Variants in CDKL5 observed in about 807,000 individuals in gnomAD.
CDKL5 encodes the protein cyclin-dependent kinase-like 5.
A neutral mutation model predicts 61.7 loss-of-function variants in CDKL5; 8 were observed. That is an observed-to-expected ratio of 0.13 (90% CI 0.08 to 0.23). CDKL5 has a LOEUF of 0.23. Ranked by LOEUF, CDKL5 falls within the 10% of genes least tolerant of loss-of-function variation. The pLI, the probability that CDKL5 is intolerant of heterozygous loss-of-function variation, is 1.00. For synonymous variants in CDKL5, 275 were observed against 272.3 expected (o/e 1.01, Z -0.10); for missense variants, 440 against 734.5 (o/e 0.60, Z 4.63).
At position 18,555,759 on chromosome X, in the gene CDKL5, C is replaced by T. The variant is rs1030464853; in HGVS notation, c.100-8718C>T. On this transcript the variant is annotated intron_variant, in intron 3 of 17. Transcript: ENST00000623535. ...GACTTCTATGTATATAAGACAGCTT[C>T]ATTTACTCACTCATGTCAAACACAG... 2.7e-5 allele frequency among the ~76,000 whole-genome samples: 3 copies of T among 112,122 alleles called. No homozygotes were observed. In the Admixed American group the frequency reaches 2.8e-4, roughly 11 times the overall value.
At chrX:18,432,679 C>T (rs1185686794) in intron 1 of CDKL5, among the ~76,000 whole-genome samples, 1 of 104,401 alleles carries the variant, frequency 9.6e-6, no homozygotes, top group African/African-American at 3.5e-5. Flanking sequence ...GATCACGGCT[C>T]ACTGCAGTCT....
At chrX:18,648,246 C>CT (rs373474294) in intron 20 of CDKL5, among the ~76,000 whole-genome samples, 3,517 of 106,166 alleles carry the variant, frequency 0.033, 150 homozygotes, top group African/African-American at 0.11. Flanking sequence ...CCTTCTTCTC[C>CT]TTTTTTTTTT....
chrX:18,532,376 G>GT (rs200763949), intron 3 of CDKL5, among the ~76,000 whole-genome samples: 3,649 of 101,068 alleles, frequency 0.036, 118 homozygotes, highest in East Asian at 0.2. Context: ...CTACAGCATT[G>GT]TTTTTTTTTT....
At position 18,633,628 on chromosome X, in the gene CDKL5, A is replaced by G. The variant is rs1429722457; in HGVS notation, c.*4871A>G. 1 of 754,579 alleles carries G rather than the reference A, an allele frequency of 1.3e-6. No homozygotes were observed. The highest frequency in any genetic ancestry group is 2.3e-5 in the African/African-American group (1 of 43,949). 62.2% of individuals were successfully genotyped at this position (754,579 alleles called of 1,213,427 possible). A position where few individuals can be genotyped will look rare whatever the true frequency, so the allele number is the denominator to read the frequency against. ...TACAAGAAAAAGAAGTCCCTCATCT[A>G]TCTGCATACACGCAATGTGGGAGAA... On this transcript the variant is annotated 3_prime_UTR_variant, in exon 18 of 18. Coordinates refer to ENST00000623535, the MANE Select transcript of CDKL5 (RefSeq NM_001323289.2).
At position 18,638,823 on chromosome X, in the gene CDKL5, A is replaced by G; in HGVS notation, c.*10066A>G. Among the ~76,000 whole-genome samples, 1 of 112,084 alleles carries G rather than the reference A, an allele frequency of 8.9e-6. No individual in the cohort carries two copies. Among genetic ancestry groups the G allele is most frequent in the East Asian group, 2.8e-4 (1 of 3,600 alleles). Reference sequence around the variant, plus strand: ...ACATGCCCCAATTTCAAAACTTACTACAAAGCTACAATAATGAAGAAAGTG... The same window carrying G: ...ACATGCCCCAATTTCAAAACTTACTGCAAAGCTACAATAATGAAGAAAGTG... On this transcript the variant is annotated 3_prime_UTR_variant, in exon 18 of 18. Coordinates refer to ENST00000623535, the MANE Select transcript of CDKL5 (RefSeq NM_001323289.2).
Position 18,635,785 on chromosome X carries a change from G to C in CDKL5, c.*7028G>C, listed in dbSNP as rs1172898805. 4 of 185,978 alleles carry C rather than the reference G, an allele frequency of 2.2e-5. No homozygotes were observed. The Admixed American group carries it at 3.8e-4, about 18-fold the overall frequency. 15.3% of individuals were successfully genotyped at this position (185,978 alleles called of 1,213,427 possible). On this transcript the variant is annotated 3_prime_UTR_variant, in exon 18 of 18. Transcript: ENST00000623535. Reference sequence around the variant, plus strand: ...AAGCAAAGATGCACAGCTTAATAAGGGTTTTTTGATTCTAGAGGAGAGGTG... The same window carrying C: ...AAGCAAAGATGCACAGCTTAATAAGCGTTTTTTGATTCTAGAGGAGAGGTG...
At chrX:18,643,193 A>C (rs1927647358), downstream of CDKL5, among the ~76,000 whole-genome samples, 1 of 111,797 alleles carries the variant, frequency 8.9e-6, no homozygotes, top group East Asian at 2.8e-4. Context: ...TTCCAAAGAA[A>C]TCATTCTTTG....
Position 18,608,848 on chromosome X carries a change from G to T in CDKL5, c.1982G>T (p.Arg661Ile), listed in dbSNP as rs770913092. 8.3e-7 allele frequency: 1 copy of T among 1,209,080 alleles called. No homozygotes were observed. Among genetic ancestry groups the T allele is most frequent in the Non-Finnish European group, 1.1e-6 (1 of 893,334 alleles). The change falls in exon 13 of 18, where the codon AGA becomes ATA. Residue 661 changes from arginine (R) to isoleucine (I), a missense_variant. Transcript: ENST00000623535. ...CTCCCTCCAGAGATGACTGTGGCAAGATCTTCGGTCAAAGAGACCTCCAGA... is the reference window on the plus strand; with the variant it reads ...CTCCCTCCAGAGATGACTGTGGCAATATCTTCGGTCAAAGAGACCTCCAGA... ...EQLPPEMTVA[R>I]SSVKETSREG...
At chrX:18,608,756 G>A in intron 12 of CDKL5, 55 bp from the exon 13 acceptor site, 1 of 817,797 alleles carries the variant, frequency 1.2e-6, no homozygotes. Context: ...GCCATGATGA[G>A]TTCCATCCCT....
chrX:18,605,115 T>C (rs80189744), intron 12 of CDKL5, among the ~76,000 whole-genome samples: 1 of 111,471 alleles, frequency 9.0e-6, no homozygotes, highest in South Asian at 3.7e-4. Context: ...TTTTTTTTTT[T>C]CTTAAATGTT....
At chrX:18,511,867 C>T (rs1448418437) in intron 3 of CDKL5, among the ~76,000 whole-genome samples, 2 of 111,617 alleles carry the variant, frequency 1.8e-5, no homozygotes, top group Non-Finnish European at 3.8e-5. Context: ...AATTATTTTT[C>T]ATGTAGACCC....
chrX:18,613,328 A>T, intron 15 of CDKL5, 53 bp downstream of exon 15: 2 of 1,118,728 alleles, frequency 1.8e-6, no homozygotes, highest in South Asian at 3.7e-5. Flanking sequence ...TAGATTTAAG[A>T]GTTGAAATAA....
At chrX:18,460,585 A>G (rs746382451) in intron 1 of CDKL5, among the ~76,000 whole-genome samples, 1 of 110,901 alleles carries the variant, frequency 9.0e-6, no homozygotes, top group East Asian at 2.8e-4. Flanking sequence ...TGCAGCCTCT[A>G]TCTATCCAGG....
At chrX:18,627,803 A>C (rs1927111494) in intron 17 of CDKL5, 1 of 111,449 alleles carries the variant, frequency 9.0e-6, no homozygotes, top group Admixed American at 9.5e-5. Flanking sequence ...GCAAAAAAAA[A>C]AAAAAAAAAG....
intron 14 of CDKL5, 71 bp from the exon 15 acceptor site, chrX:18,613,081 C>T (rs964035755): frequency 5.7e-5 from 54 of 939,404 alleles, no homozygotes; most frequent in Non-Finnish European, 6.9e-5. Flanking sequence ...GGTGACAGAG[C>T]GAGACTCTGT....
chrX:18,494,747 G>A (rs1182339424), intron 1 of CDKL5, among the ~76,000 whole-genome samples: 1 of 112,412 alleles, frequency 8.9e-6, no homozygotes, highest in Non-Finnish European at 1.9e-5. Context: ...ATATTTGGTA[G>A]TTTGAAATTT....
At chrX:18,590,446 A>C (rs1365735550) in intron 9 of CDKL5, among the ~76,000 whole-genome samples, 1 of 110,937 alleles carries the variant, frequency 9.0e-6, no homozygotes, top group African/African-American at 3.3e-5. Flanking sequence ...TTTTCTTTTG[A>C]TTTTCTGGCC....
At chrX:18,464,360 A>T (rs1303138902) in intron 1 of CDKL5, among the ~76,000 whole-genome samples, 1 of 110,948 alleles carries the variant, frequency 9.0e-6, no homozygotes, top group African/African-American at 3.3e-5. Flanking sequence ...AGAATTACAG[A>T]TGTGAGCCAT....
rs1216419630 is a variant in CDKL5, at chrX:18,638,189, T to C, written c.*9432T>C. ...TCTCTATCTGGAAATACCTTTGCTT[T>C]GTCCAAGTAACCTCCTCCCACACAG... On this transcript the variant is annotated 3_prime_UTR_variant, in exon 18 of 18. Coordinates refer to ENST00000623535, the MANE Select transcript of CDKL5 (RefSeq NM_001323289.2). The C allele has an allele frequency of 3.6e-5, 4 of 111,889 alleles. No individual in the cohort carries two copies. The highest frequency in any genetic ancestry group is 7.5e-5 in the Non-Finnish European group (4 of 53,229). The allele number at this position is 111,889 out of a possible 1,213,427, so 9.2% of individuals were successfully genotyped here.
Sources: allele counts gnomAD v4.1 joint callset (sites outside exome capture counted in the v4.1 genomes callset), GRCh38; gene constraint gnomAD v4.1.1; transcripts MANE v1.5; gene names NCBI Gene and HGNC (gene_info 2026-07-23, HGNC 2026-07-21).